The following TCF12 variants were observed in gnomAD, a reference collection of about 807,000 sequenced individuals.
TCF12 encodes transcription factor 12.
Under a neutral mutation model 86.0 loss-of-function variants are expected in TCF12, and 45 were observed. The observed-to-expected ratio is 0.52, with a 90% CI of 0.41 to 0.67. TCF12 has a LOEUF of 0.67. TCF12 is among the 30% of genes least tolerant of loss of function. The pLI is 0.00. For missense variants in TCF12, 881 were observed against 859.9 expected (o/e 1.02, Z -0.31); for synonymous variants, 330 against 299.6 (o/e 1.10, Z -1.05).
intron 8 of TCF12, among the ~76,000 whole-genome samples, chr15:57,208,510 G>A (rs1392400953): frequency 1.4e-5 from 2 of 145,270 alleles, no homozygotes; most frequent in Admixed American, 7.2e-5. Context: ...AGCCTCCCGA[G>A]TAGCTGGAAC....
intron 6 of TCF12, among the ~76,000 whole-genome samples, chr15:57,177,172 G>T (rs2055978306): frequency 6.6e-6 from 1 of 152,078 alleles, no homozygotes; most frequent in African/African-American, 2.4e-5. Context: ...GCTGCCTGCA[G>T]AGTGATGTGC....
At chr15:57,086,452 T>C (rs957962734) in intron 4 of TCF12, among the ~76,000 whole-genome samples, 27 of 151,930 alleles carry the variant, frequency 1.8e-4, no homozygotes, top group African/African-American at 6.0e-4. Context: ...TGGAATTACC[T>C]GCCAGTCTGG....
At chr15:57,057,647 C>T (rs1249153125) in intron 3 of TCF12, among the ~76,000 whole-genome samples, 4 of 152,066 alleles carry the variant, frequency 2.6e-5, no homozygotes, top group African/African-American at 7.2e-5. Context: ...GGAGGCAGAA[C>T]CTGTAAAACA....
intron 3 of TCF12, among the ~76,000 whole-genome samples, chr15:57,042,407 C>A (rs1277402550): frequency 6.6e-6 from 1 of 151,960 alleles, no homozygotes; most frequent in Admixed American, 6.6e-5. Flanking sequence ...TGCAAAAAAA[C>A]GTGATTTTCC....
At chr15:56,999,487 A>G (rs1314536457) in intron 3 of TCF12, among the ~76,000 whole-genome samples, 1 of 152,176 alleles carries the variant, frequency 6.6e-6, no homozygotes, top group Non-Finnish European at 1.5e-5. Context: ...CATAAATTTG[A>G]CAACTTAGGT....
chr15:57,231,512 A>G (rs1338882134), intron 9 of TCF12, among the ~76,000 whole-genome samples: 1 of 152,180 alleles, frequency 6.6e-6, no homozygotes, highest in Non-Finnish European at 1.5e-5. Flanking sequence ...GAGAAAAATT[A>G]ATAGAGCTGT....
intron 5 of TCF12, among the ~76,000 whole-genome samples, chr15:57,148,078 C>T (rs1168279853): frequency 1.3e-5 from 2 of 151,784 alleles, no homozygotes; most frequent in African/African-American, 4.8e-5. Flanking sequence ...GAGACACGAT[C>T]GCACTATGTT....
chr15:57,103,610 G>C (rs2049913030), intron 5 of TCF12, among the ~76,000 whole-genome samples: 1 of 152,248 alleles, frequency 6.6e-6, no homozygotes, highest in South Asian at 2.1e-4. Context: ...TTAACCCAAG[G>C]AAGTAATTGA....
At chr15:57,151,418 A>G (rs1409233887) in intron 5 of TCF12, among the ~76,000 whole-genome samples, 1 of 152,180 alleles carries the variant, frequency 6.6e-6, no homozygotes, top group Admixed American at 6.5e-5. Context: ...GAAACTATCC[A>G]AAATGAAGAT....
intron 4 of TCF12, among the ~76,000 whole-genome samples, chr15:57,076,439 G>C (rs1366425167): frequency 1.3e-5 from 2 of 151,998 alleles, no homozygotes; most frequent in African/African-American, 4.8e-5. Flanking sequence ...GGGATCACAA[G>C]GTCAGGAGAT....
chr15:57,091,489 AT>A (rs1338409484), intron 4 of TCF12, among the ~76,000 whole-genome samples: 2 of 152,186 alleles, frequency 1.3e-5, no homozygotes, highest in Non-Finnish European at 2.9e-5. Context: ...CAGAATTCTT[AT>A]AGCTCCCCAT....
chr15:57,243,635 A>C (rs1376347071), intron 13 of TCF12, 85 bp downstream of exon 13: 6 of 1,191,954 alleles, frequency 5.0e-6, no homozygotes, highest in African/African-American at 4.6e-5. Flanking sequence ...AACTTTAATA[A>C]AAATTTGTGA....
intron 3 of TCF12, among the ~76,000 whole-genome samples, chr15:57,026,611 G>T (rs150657632): frequency 2.6e-5 from 4 of 152,154 alleles, no homozygotes; most frequent in African/African-American, 9.6e-5. Flanking sequence ...ATTAAACTTT[G>T]CTTTGTATGA....
chr15:57,187,810 A>G (rs1300613293), intron 6 of TCF12, among the ~76,000 whole-genome samples: 7 of 152,076 alleles, frequency 4.6e-5, no homozygotes, highest in African/African-American at 1.7e-4. Context: ...CACGCCTTTA[A>G]TCCCAGGTAC....
At chr15:57,052,708 A>G (rs2470084) in intron 3 of TCF12, among the ~76,000 whole-genome samples, 123,934 of 151,730 alleles carry the variant, frequency 0.82, 51,105 homozygotes, top group African/African-American at 0.93. Flanking sequence ...ATGTTAAGTA[A>G]CAGTGTCATG....
At chr15:57,202,790 C>A (rs1376548440) in intron 8 of TCF12, among the ~76,000 whole-genome samples, 3 of 152,040 alleles carry the variant, frequency 2.0e-5, no homozygotes, top group Non-Finnish European at 4.4e-5. Flanking sequence ...GTTCTCGGAA[C>A]CTCCAGTTTC....
chr15:57,042,649 A>T (rs1231239585), intron 3 of TCF12, among the ~76,000 whole-genome samples: 6 of 152,154 alleles, frequency 3.9e-5, no homozygotes, highest in Non-Finnish European at 7.4e-5. Flanking sequence ...CTTGGCTTCA[A>T]GTGACCCTCC....
chr15:57,027,000 T>C (rs1190061481), intron 3 of TCF12, among the ~76,000 whole-genome samples: 3 of 152,228 alleles, frequency 2.0e-5, no homozygotes, highest in Non-Finnish European at 4.4e-5. Flanking sequence ...TGTATTGGTT[T>C]TTATTTTGTT....
chr15:57,042,699 C>T (rs140588470), intron 3 of TCF12, among the ~76,000 whole-genome samples: 125 of 152,236 alleles, frequency 8.2e-4, no homozygotes, highest in African/African-American at 2.8e-3. Context: ...CAAATGTGAG[C>T]CACTGTGCCC....
Sources: gnomAD v4.1 joint callset for allele counts (sites outside exome capture counted in the v4.1 genomes callset) on GRCh38, gnomAD v4.1.1 for gene constraint, MANE v1.5 for transcripts, NCBI Gene and HGNC (gene_info 2026-07-23, HGNC 2026-07-21) for gene names.